CSMD1: variants seen among roughly 807,000 people sequenced by gnomAD.
The protein encoded by CSMD1 is CUB and Sushi multiple domains 1.
Under a neutral mutation model 417.5 loss-of-function variants are expected in CSMD1, and 213 were observed. The ratio of observed to expected loss-of-function variants is 0.51; its 90% CI spans 0.46 to 0.57. The LOEUF is 0.57. Ranked by LOEUF, CSMD1 falls within the 20% of genes least tolerant of loss-of-function variation. CSMD1 has a pLI of 0.00. For synonymous variants in CSMD1, 2,862 were observed against 1,736.8 expected (o/e 1.65, Z -16.11); for missense variants, 6,923 against 4,529.7 (o/e 1.53, Z -15.17).
chr8:3,446,621 G>C (rs562730456), intron 12 of CSMD1, among the ~76,000 whole-genome samples: 10 of 152,272 alleles, frequency 6.6e-5, no homozygotes, highest in African/African-American at 2.2e-4. Context: ...ACTCTGTGTA[G>C]ACAAAAGAAA....
At chr8:2,998,470 T>C (rs1377290820) in intron 53 of CSMD1, among the ~76,000 whole-genome samples, 1 of 152,174 alleles carries the variant, frequency 6.6e-6, no homozygotes, top group Non-Finnish European at 1.5e-5. Flanking sequence ...CATGACAGAA[T>C]ACCAAATGAT....
chr8:4,121,722 G>C (rs1797367666), intron 3 of CSMD1, among the ~76,000 whole-genome samples: 1 of 151,128 alleles, frequency 6.6e-6, no homozygotes, highest in African/African-American at 2.4e-5. Context: ...CTTCATTCTA[G>C]AATTATGGCA....
intron 2 of CSMD1, among the ~76,000 whole-genome samples, chr8:4,545,366 T>A (rs1377557305): frequency 6.6e-6 from 1 of 152,178 alleles, no homozygotes; most frequent in African/African-American, 2.4e-5. Context: ...TTTATTCTCC[T>A]CCAAATATGG....
intron 1 of CSMD1, among the ~76,000 whole-genome samples, chr8:4,851,755 A>T (rs900688539): frequency 1.3e-5 from 2 of 152,192 alleles, no homozygotes; most frequent in Non-Finnish European, 2.9e-5. Flanking sequence ...CTTCAAAGAC[A>T]GGTCTATTGA....
chr8:3,255,225 C>T (rs1276780922), intron 26 of CSMD1, among the ~76,000 whole-genome samples: 2 of 151,968 alleles, frequency 1.3e-5, no homozygotes, highest in Non-Finnish European at 2.9e-5. Flanking sequence ...GACCATTCCT[C>T]TGGAAGTTTT....
chr8:3,704,696 G>C (rs1243614967), intron 7 of CSMD1: 2 of 152,206 alleles, frequency 1.3e-5, no homozygotes, highest in African/African-American at 4.8e-5. Flanking sequence ...TCTTGGTCAT[G>C]AGACAATAAG....
At chr8:4,206,446 T>G (rs1420161274) in intron 3 of CSMD1, among the ~76,000 whole-genome samples, 5 of 152,192 alleles carry the variant, frequency 3.3e-5, no homozygotes, top group African/African-American at 1.2e-4. Flanking sequence ...TTTGGTTTTC[T>G]GTCCTTGTGA....
At chr8:4,543,587 G>A (rs937657941) in intron 2 of CSMD1, among the ~76,000 whole-genome samples, 3 of 143,028 alleles carry the variant, frequency 2.1e-5, no homozygotes, top group Non-Finnish European at 3.0e-5. Flanking sequence ...TTCATGCACA[G>A]GTTTTTGTAT....
At chr8:4,687,031 A>G (rs1201812136) in intron 1 of CSMD1, among the ~76,000 whole-genome samples, 2 of 152,162 alleles carry the variant, frequency 1.3e-5, no homozygotes, top group East Asian at 3.9e-4. Context: ...AGCGAACTCC[A>G]TGCACCCATG....
intron 5 of CSMD1, among the ~76,000 whole-genome samples, chr8:3,926,747 C>T (rs1809758586): frequency 7.3e-6 from 1 of 137,564 alleles, no homozygotes. Flanking sequence ...TATGGAGTCC[C>T]GCTCTGTAGC....
chr8:4,932,657 G>C (rs1585355911), intron 1 of CSMD1, among the ~76,000 whole-genome samples: 1 of 152,164 alleles, frequency 6.6e-6, no homozygotes, highest in Admixed American at 6.5e-5. Flanking sequence ...GGACAAATTG[G>C]TAAAGGCTGC....
intron 6 of CSMD1, among the ~76,000 whole-genome samples, chr8:3,736,147 C>T (rs1307683856): frequency 6.6e-6 from 1 of 152,112 alleles, no homozygotes; most frequent in Admixed American, 6.6e-5. Flanking sequence ...CTCATAAAAC[C>T]CTGTAATCGC....
At chr8:4,951,582 CA>C (rs144202801) in intron 1 of CSMD1, among the ~76,000 whole-genome samples, 65,486 of 130,356 alleles carry the variant, frequency 0.5, 14,798 homozygotes, top group African/African-American at 0.55. Flanking sequence ...AGAAAAGAAG[CA>C]AAAAAAAAAG....
In CSMD1 at chr8:3,269,862, G is replaced by C. The variant is rs960375962; in HGVS notation, c.4153+14282C>G. Among the ~76,000 whole-genome samples the C allele has an allele frequency of 2.6e-5, 4 of 152,034 alleles. No homozygotes were observed. The South Asian group carries it at 6.2e-4, about 24-fold the overall frequency. The stretch of plus-strand genomic sequence containing the variant: ...CTGGCAGGACAGTGGACCTTTAATG[G>C]GGTTTGGATATCTCATGAGCCTCTA... On this transcript the variant is annotated intron_variant, in intron 26 of 69. Transcript: ENST00000635120.
intron 1 of CSMD1, among the ~76,000 whole-genome samples, chr8:4,835,336 A>G (rs1050460239): frequency 3.9e-5 from 6 of 152,186 alleles, no homozygotes; most frequent in South Asian, 2.1e-4. Context: ...ATGAGGGTCA[A>G]TGCAAAGAGG....
chr8:4,643,798 G>A (rs749115722), intron 1 of CSMD1, among the ~76,000 whole-genome samples: 26 of 152,182 alleles, frequency 1.7e-4, no homozygotes, highest in Non-Finnish European at 2.9e-4. Context: ...ATAATTAATT[G>A]TGGAAGGACC....
intron 1 of CSMD1, among the ~76,000 whole-genome samples, chr8:4,654,687 G>C (rs1312976047): frequency 6.6e-6 from 1 of 152,050 alleles, no homozygotes; most frequent in African/African-American, 2.4e-5. Context: ...CTTTCCAGTG[G>C]TCTCACACCT....
At chr8:3,776,373 T>C (rs1393574455) in intron 5 of CSMD1, among the ~76,000 whole-genome samples, 1 of 152,096 alleles carries the variant, frequency 6.6e-6, no homozygotes, top group Non-Finnish European at 1.5e-5. Flanking sequence ...TCACTGAGAG[T>C]AAAGCCAGAC....
chr8:3,538,491 C>T (rs1295223884), intron 10 of CSMD1, among the ~76,000 whole-genome samples: 1 of 152,158 alleles, frequency 6.6e-6, no homozygotes. Flanking sequence ...TGAGATGCCT[C>T]ACCTGCGATG....
Sources: gnomAD v4.1 joint callset for allele counts (sites outside exome capture counted in the v4.1 genomes callset) on GRCh38, gnomAD v4.1.1 for gene constraint, MANE v1.5 for transcripts, NCBI Gene and HGNC (gene_info 2026-07-23, HGNC 2026-07-21) for gene names.